The following GJA3 variants were observed in gnomAD, a reference collection of about 807,000 sequenced individuals.
GJA3 encodes the protein gap junction protein alpha 3, also known as gap junction alpha-3 protein.
For synonymous variants in GJA3, 297 were observed against 292.6 expected, an observed-to-expected ratio of 1.02 and a Z score of -0.15; for missense variants, 571 against 620.3, an observed-to-expected ratio of 0.92 and a Z score of 0.84.
At chr13:20,143,983 T>G (rs1474662850) in intron 1 of GJA3, among the ~76,000 whole-genome samples, 1 of 152,250 alleles carries the variant, frequency 6.6e-6, no homozygotes, top group African/African-American at 2.4e-5. Flanking sequence ...GACAATGAAG[T>G]TGATACAGTC....
At chr13:20,158,490 T>C (rs986007739) in intron 1 of GJA3, among the ~76,000 whole-genome samples, 3 of 152,080 alleles carry the variant, frequency 2.0e-5, no homozygotes, top group Admixed American at 1.3e-4. Context: ...AATTTTTATA[T>C]CTAGTATCAT....
chr13:20,156,590 G>A (rs1470074847), intron 1 of GJA3, among the ~76,000 whole-genome samples: 1 of 152,170 alleles, frequency 6.6e-6, no homozygotes, highest in Non-Finnish European at 1.5e-5. Context: ...GGGATCATAG[G>A]CATGAGCCAC....
In GJA3 at chr13:20,142,234, G is replaced by GGGGCTGC. The variant is rs1566514388; in HGVS notation, c.1048_1054dup (p.Pro352ArgfsTer18). 2 of 1,531,978 alleles carry GGGGCTGC rather than the reference G, an allele frequency of 1.3e-6. No homozygotes were observed. Among genetic ancestry groups the GGGGCTGC allele is most frequent in the Non-Finnish European group, 1.7e-6 (2 of 1,143,842 alleles). 94.9% of individuals were successfully genotyped at this position (1,531,978 alleles called of 1,614,324 possible). The stretch of plus-strand genomic sequence containing the variant: ...CGGGGAGCTGCTGCCGACGGGGCTG[G>GGGGCTGC]GGGCTGCAGGCGTGGACGCTGCCGG... On this transcript the variant is annotated frameshift_variant, in exon 2 of 2. Coordinates refer to ENST00000241125, the MANE Select transcript of GJA3 (RefSeq NM_021954.4). LOFTEE classifies it low-confidence loss of function (END_TRUNC).
intron 1 of GJA3, among the ~76,000 whole-genome samples, chr13:20,148,166 C>G (rs542386185): frequency 6.6e-6 from 1 of 151,764 alleles, no homozygotes; most frequent in East Asian, 1.9e-4. Context: ...CCAGCAGATG[C>G]GGTATCCACC....
At chr13:20,145,524 A>G (rs1958836611) in intron 1 of GJA3, among the ~76,000 whole-genome samples, 1 of 152,192 alleles carries the variant, frequency 6.6e-6, no homozygotes, top group African/African-American at 2.4e-5. Flanking sequence ...CTTCTCCTCC[A>G]AGTGTCCCTC....
At chr13:20,161,378 G>A (rs148643947), upstream of GJA3, among the ~76,000 whole-genome samples, 5,545 of 151,964 alleles carry the variant, frequency 0.036, 210 homozygotes, top group Admixed American at 0.12. Flanking sequence ...GGGCGGGCCC[G>A]ACCCGCTTGC....
intron 1 of GJA3, among the ~76,000 whole-genome samples, chr13:20,157,262 G>C (rs1019852400): frequency 6.6e-6 from 1 of 152,150 alleles, no homozygotes; most frequent in Non-Finnish European, 1.5e-5. Flanking sequence ...GCATAGCAGC[G>C]ATCAGAACAG....
intron 1 of GJA3, among the ~76,000 whole-genome samples, chr13:20,158,310 T>G (rs1251826225): frequency 6.6e-6 from 1 of 152,204 alleles, no homozygotes; most frequent in Non-Finnish European, 1.5e-5. Flanking sequence ...AGTATTAGTA[T>G]GATTTCACTT....
chr13:20,150,518 C>A (rs1245574941), intron 1 of GJA3, among the ~76,000 whole-genome samples: 1 of 152,214 alleles, frequency 6.6e-6, no homozygotes, highest in Admixed American at 6.5e-5. Context: ...AGGCCACAGG[C>A]TTAGATTGTG....
rs1361145045 is a variant in GJA3 at position 20,139,506 on chromosome 13, G to C, written c.*2475C>G. Reference sequence around the variant, plus strand: ...ACACTGCCTGAGAGAGAAGGACCCAGCCTTTAGAATCATGGATACCTCAAA... The same window carrying C: ...ACACTGCCTGAGAGAGAAGGACCCACCCTTTAGAATCATGGATACCTCAAA... On this transcript the variant is annotated 3_prime_UTR_variant, in exon 2 of 2. Transcript: ENST00000241125. The C allele has an allele frequency of 6.6e-6, 1 of 152,130 alleles. No homozygotes were observed. Among genetic ancestry groups the C allele is most frequent in the Non-Finnish European group, 1.5e-5 (1 of 68,038 alleles). 9.4% of individuals were successfully genotyped at this position (152,130 alleles called of 1,614,324 possible).
rs71074204 is a variant in GJA3, at chr13:20,148,253, C to CTTTTT, written c.-17-4953_-17-4949dup. ...GGGGCATTTTACCAATACTATGGTT[C>CTTTTT]TTTTTTTTTTTTTTTTTTTTTTGAG... On this transcript the variant is annotated intron_variant, in intron 1 of 1. Transcript: ENST00000241125. 3.3e-3 allele frequency among the ~76,000 whole-genome samples: 296 copies of CTTTTT among 90,712 alleles called. 7 individuals are homozygous for CTTTTT. Among genetic ancestry groups the CTTTTT allele is most frequent in the African/African-American group, 5.9e-3 (149 of 25,282 alleles). The allele number at this position is 90,712 out of a possible 152,430, so 59.5% of individuals were successfully genotyped here.
intron 1 of GJA3, among the ~76,000 whole-genome samples, chr13:20,159,615 T>C (rs1217614778): frequency 6.6e-6 from 1 of 152,194 alleles, no homozygotes; most frequent in Admixed American, 6.5e-5. Flanking sequence ...ATTTTCCTTA[T>C]TGGCAAAAAA....
At chr13:20,157,635 T>C (rs1319568224) in intron 1 of GJA3, among the ~76,000 whole-genome samples, 1 of 152,182 alleles carries the variant, frequency 6.6e-6, no homozygotes, top group Non-Finnish European at 1.5e-5. Context: ...TCATGGGCGA[T>C]GCAGCAGGCA....
chr13:20,143,587 C>T (rs1336863783), intron 1 of GJA3, among the ~76,000 whole-genome samples: 2 of 152,228 alleles, frequency 1.3e-5, no homozygotes. Flanking sequence ...CAAGCCCTCT[C>T]CCTGAGGCTG....
At chr13:20,144,294 CTG>C (rs1219155033) in intron 1 of GJA3, among the ~76,000 whole-genome samples, 2 of 152,190 alleles carry the variant, frequency 1.3e-5, no homozygotes, top group African/African-American at 4.8e-5. Flanking sequence ...CTTGAGGATC[CTG>C]TGAGGACCAG....
At chr13:20,151,227 G>A (rs1958875322) in intron 1 of GJA3, among the ~76,000 whole-genome samples, 1 of 152,102 alleles carries the variant, frequency 6.6e-6, no homozygotes, top group African/African-American at 2.4e-5. Context: ...GGTCAAAGAG[G>A]AGGTCACCTC....
At chr13:20,157,679 C>G (rs1000889352) in intron 1 of GJA3, among the ~76,000 whole-genome samples, 1 of 152,114 alleles carries the variant, frequency 6.6e-6, no homozygotes, top group Non-Finnish European at 1.5e-5. Context: ...GTATTACATG[C>G]CTTTTGCATT....
chr13:20,146,094 T>G (rs1490199675), intron 1 of GJA3, among the ~76,000 whole-genome samples: 1 of 152,190 alleles, frequency 6.6e-6, no homozygotes, highest in Non-Finnish European at 1.5e-5. Context: ...AAGGCCGCTG[T>G]GGGTAGTTCA....
chr13:20,145,409 T>C (rs1269706707), intron 1 of GJA3, among the ~76,000 whole-genome samples: 1 of 152,154 alleles, frequency 6.6e-6, no homozygotes, highest in Non-Finnish European at 1.5e-5. Flanking sequence ...TTTCTTGTGT[T>C]CTAAGGAGGT....
Sources: allele counts gnomAD v4.1 joint callset (sites outside exome capture counted in the v4.1 genomes callset), GRCh38; gene constraint gnomAD v4.1.1; transcripts MANE v1.5; gene names NCBI Gene and HGNC (gene_info 2026-07-23, HGNC 2026-07-21).